The following CUL5 variants were observed in gnomAD, a reference collection of about 807,000 sequenced individuals.
CUL5 encodes cullin-5.
CUL5 carries 26 observed loss-of-function variants against 108.8 expected under a neutral mutation model. The ratio of observed to expected loss-of-function variants is 0.24; its 90% CI spans 0.18 to 0.33. CUL5 has a LOEUF of 0.33. CUL5 is among the 10% of genes least tolerant of loss of function. CUL5 has a pLI of 1.00. For synonymous variants in CUL5, 334 were observed against 298.0 expected, an observed-to-expected ratio of 1.12 and a Z score of -1.25; for missense variants, 524 against 909.2, an observed-to-expected ratio of 0.58 and a Z score of 5.45.
intron 1 of CUL5, 136 bp downstream of exon 1, chr11:108,009,508 A>C (rs1862005441): frequency 1.1e-6 from 1 of 907,016 alleles, no homozygotes; most frequent in Non-Finnish European, 1.7e-6. Context: ...CCGCGGTGGC[A>C]GCCGGCGAGT....
At chr11:108,014,578 G>C (rs2135035006) in intron 1 of CUL5, among the ~76,000 whole-genome samples, 1 of 152,254 alleles carries the variant, frequency 6.6e-6, no homozygotes, top group East Asian at 1.9e-4. Context: ...TTTATAATCT[G>C]CTTGTGAGAT....
intron 1 of CUL5, among the ~76,000 whole-genome samples, chr11:108,021,221 A>G (rs1210863909): frequency 3.9e-5 from 6 of 152,262 alleles, no homozygotes; most frequent in Non-Finnish European, 8.8e-5. Context: ...ATTAAGTGAC[A>G]CATGGCTCTA....
At chr11:108,033,938 T>C (rs768519665) in intron 2 of CUL5, 27 bp downstream of exon 2, 4 of 1,407,262 alleles carry the variant, frequency 2.8e-6, no homozygotes, top group African/African-American at 2.9e-5. Flanking sequence ...TTCTGTTTGC[T>C]AGCATAAAGG....
At chr11:108,079,915 G>A (rs1864033128) in intron 11 of CUL5, among the ~76,000 whole-genome samples, 1 of 152,110 alleles carries the variant, frequency 6.6e-6, no homozygotes, top group Non-Finnish European at 1.5e-5. Context: ...GTTTTGGCAT[G>A]TAACAGTAGT....
chr11:108,098,337 C>T, intron 17 of CUL5, 69 bp from the exon 18 acceptor site: 1 of 1,345,662 alleles, frequency 7.4e-7, no homozygotes, highest in Non-Finnish European at 1.0e-6. Flanking sequence ...TTCTCTCAGA[C>T]ATTGTTGCTA....
intron 4 of CUL5, among the ~76,000 whole-genome samples, chr11:108,050,880 A>G (rs1863200478): frequency 6.6e-6 from 1 of 152,240 alleles, no homozygotes; most frequent in Non-Finnish European, 1.5e-5. Context: ...TTTAATGGAA[A>G]GAACTCAGTG....
chr11:108,084,777 A>G (rs1048413767), intron 11 of CUL5: 5 of 152,236 alleles, frequency 3.3e-5, no homozygotes, highest in Non-Finnish European at 7.3e-5. Flanking sequence ...CTATCACTTC[A>G]TACCCAGTAG....
intron 18 of CUL5, among the ~76,000 whole-genome samples, chr11:108,101,090 A>T (rs1864651103): frequency 6.6e-6 from 1 of 152,182 alleles, no homozygotes; most frequent in South Asian, 2.1e-4. Flanking sequence ...AGAGAAATTG[A>T]AGTTCTTTTG....
rs544243202 is a variant in CUL5, at chr11:108,039,089, C to CG, written c.134+5180dup. On this transcript the variant is annotated intron_variant, in intron 2 of 18. Coordinates refer to ENST00000393094, the MANE Select transcript of CUL5 (RefSeq NM_003478.6). ...AGGCTGGAGTGCAATGGCGCAATCTCGGCTCACTGCAACCTCTGCCTCCCA... is the reference window on the plus strand; with the variant it reads ...AGGCTGGAGTGCAATGGCGCAATCTCGGGCTCACTGCAACCTCTGCCTCCCA... Among the ~76,000 whole-genome samples, 81 of 151,916 alleles carry CG rather than the reference C, an allele frequency of 5.3e-4. 2 individuals carry two copies. In the South Asian group the frequency reaches 0.017, roughly 31 times the overall value.
At chr11:108,063,841 C>T (rs73557122) in intron 7 of CUL5, among the ~76,000 whole-genome samples, 20,153 of 152,020 alleles carry the variant, frequency 0.13, 1,440 homozygotes, top group African/African-American at 0.18. Context: ...ACTAATATTA[C>T]ATTCCCACCA....
intron 2 of CUL5, among the ~76,000 whole-genome samples, chr11:108,040,286 C>T (rs781514818): frequency 6.6e-6 from 1 of 152,052 alleles, no homozygotes; most frequent in Non-Finnish European, 1.5e-5. Context: ...CGAGACCAGC[C>T]TGGGAAACAC....
chr11:108,059,518 G>A (rs1233965502), intron 7 of CUL5, among the ~76,000 whole-genome samples: 1 of 152,124 alleles, frequency 6.6e-6, no homozygotes, highest in African/African-American at 2.4e-5. Context: ...TCCCACAGAT[G>A]TTATTTTACC....
At chr11:108,090,472 C>G (rs1442474703) in intron 13 of CUL5, among the ~76,000 whole-genome samples, 2 of 152,070 alleles carry the variant, frequency 1.3e-5, no homozygotes, top group African/African-American at 4.8e-5. Context: ...GCCTGGGTGA[C>G]AGAGCAAGAC....
chr11:108,032,137 C>G (rs1360245104), intron 1 of CUL5, among the ~76,000 whole-genome samples: 1 of 152,134 alleles, frequency 6.6e-6, no homozygotes, highest in African/African-American at 2.4e-5. Flanking sequence ...TGTAACAAAC[C>G]TGCACATCCT....
At chr11:108,090,196 T>C (rs545886646) in intron 13 of CUL5, among the ~76,000 whole-genome samples, 17 of 151,634 alleles carry the variant, frequency 1.1e-4, no homozygotes, top group African/African-American at 4.1e-4. Context: ...TATTAATAAA[T>C]AGACTACAGG....
chr11:108,010,004 G>T (rs867174197), intron 1 of CUL5, among the ~76,000 whole-genome samples: 3 of 152,192 alleles, frequency 2.0e-5, no homozygotes, highest in African/African-American at 7.2e-5. Flanking sequence ...CTGATGAAGC[G>T]ATACCATCGT....
chr11:108,070,233 G>A, intron 8 of CUL5, 44 bp downstream of exon 8: 1 of 1,401,034 alleles, frequency 7.1e-7, no homozygotes, highest in Admixed American at 1.8e-5. Context: ...TTCTAAGAGG[G>A]TATCTTTGAA....
intron 2 of CUL5, among the ~76,000 whole-genome samples, chr11:108,041,133 G>C (rs959749602): frequency 9.9e-5 from 15 of 152,146 alleles, no homozygotes; most frequent in Non-Finnish European, 1.8e-4. Flanking sequence ...TTAGAACTGT[G>C]CTGATTCTTA....
At chr11:108,089,398 T>G in intron 12 of CUL5, 94 bp from the exon 13 acceptor site, 1 of 908,602 alleles carries the variant, frequency 1.1e-6, no homozygotes, top group Non-Finnish European at 1.6e-6. Context: ...CATAAAAGTT[T>G]CTGACTTGTG....
Sources: allele counts gnomAD v4.1 joint callset (sites outside exome capture counted in the v4.1 genomes callset), GRCh38; gene constraint gnomAD v4.1.1; transcripts MANE v1.5; gene names NCBI Gene and HGNC (gene_info 2026-07-23, HGNC 2026-07-21).